ACOD1: variants seen among roughly 807,000 people sequenced by gnomAD.
The protein encoded by ACOD1 is cis-aconitate decarboxylase.
A neutral mutation model predicts 14.2 loss-of-function variants in ACOD1; 14 were observed. The ratio of observed to expected loss-of-function variants is 0.99; its 90% CI spans 0.65 to 1.54. The LOEUF (loss-of-function observed/expected upper bound fraction) is 1.54. Ranked by LOEUF, ACOD1 falls within the 40% of genes most tolerant of loss-of-function variation. ACOD1 has a pLI of 0.00. For missense variants in ACOD1, 530 were observed against 586.3 expected (o/e 0.90, Z 0.99); for synonymous variants, 182 against 221.7 (o/e 0.82, Z 1.59).
At chr13:76,950,289 T>A (rs933719110) in intron 1 of ACOD1, among the ~76,000 whole-genome samples, 3 of 152,156 alleles carry the variant, frequency 2.0e-5, no homozygotes, top group Admixed American at 2.0e-4. Flanking sequence ...TGCAATGATG[T>A]AGTAACCAGA....
intron 1 of ACOD1, among the ~76,000 whole-genome samples, chr13:76,949,143 C>T (rs78028834): frequency 6.6e-6 from 1 of 151,878 alleles, no homozygotes. Flanking sequence ...GGCAGGCGCC[C>T]GTAGTCCCAG....
chr13:76,957,848 A>G lies in ACOD1; in HGVS notation c.1309A>G (p.Ser437Gly). Residue 437 changes from serine to glycine, a missense_variant, in exon 5 of 5, where the codon AGC (serine) becomes GGC (glycine). Physicochemically the swap from Ser to Gly is moderately conservative, Grantham distance 56. Transcript: ENST00000377462. ...SKMLSWDTVESLIKIVKNLED... is the reference protein window; with the variant it reads ...SKMLSWDTVEGLIKIVKNLED... ...GATGCTGTCCTGGGACACAGTGGAA[A>G]GCCTTATAAAGATAGTCAAAAATCT... 1 of 1,551,158 alleles carries G rather than the reference A, an allele frequency of 6.4e-7. No individual in the cohort carries two copies. The highest frequency in any genetic ancestry group is 8.7e-7 in the Non-Finnish European group (1 of 1,147,128).
chr13:76,957,538 A>C lies in ACOD1; in HGVS notation c.999A>C (p.Ser333=), dbSNP rs1197890595. 6.4e-7 allele frequency: 1 copy of C among 1,550,506 alleles called. No homozygotes were observed. Among genetic ancestry groups the C allele is most frequent in the Non-Finnish European group, 8.7e-7 (1 of 1,147,004 alleles). ...FPVSEHEARH[S]FQYVACAMLL... ...TTTCGGAGCATGAAGCCCGTCATTC[A>C]TTCCAGTATGTGGCCTGTGCCATGC... Residue 333 remains serine (S), a synonymous_variant, in exon 5 of 5, where the codon TCA becomes TCC. Coordinates refer to ENST00000377462, the MANE Select transcript of ACOD1 (RefSeq NM_001258406.2).
Position 76,958,148 on chromosome 13 carries a change from T to C in ACOD1, c.*163T>C, listed in dbSNP as rs1224549423. 3.6e-5 allele frequency: 23 copies of C among 643,076 alleles called. No homozygotes were observed. Among genetic ancestry groups the C allele is most frequent in the Non-Finnish European group, 5.2e-5 (21 of 400,756 alleles). The allele number at this position is 643,076 out of a possible 1,614,324, so 39.8% of individuals were successfully genotyped here. ...GGAAGGAGCCTTCTCCTGAAAATTT[T>C]GCAGGACAGTTCCACTTACCTAAAT... On this transcript the variant is annotated 3_prime_UTR_variant, in exon 5 of 5. Coordinates refer to ENST00000377462, the MANE Select transcript of ACOD1 (RefSeq NM_001258406.2).
intron 2 of ACOD1, among the ~76,000 whole-genome samples, chr13:76,952,912 G>A (rs930335966): frequency 9.2e-5 from 14 of 152,068 alleles, no homozygotes; most frequent in East Asian, 3.9e-4. Context: ...GTGGGCAGAC[G>A]GTTTGAGCCT....
At position 76,948,585 on chromosome 13, in the gene ACOD1, T is replaced by C; in HGVS notation, c.12+15T>C. On this transcript the variant is annotated intron_variant, in intron 1 of 4. Transcript: ENST00000377462. Reference sequence around the variant, plus strand: ...TGATGCTCAAGGTATTGTAGCATTTTATGTGACTTACTTAAATTGCTTTTC... The same window carrying C: ...TGATGCTCAAGGTATTGTAGCATTTCATGTGACTTACTTAAATTGCTTTTC... The C allele has an allele frequency of 6.6e-7, 1 of 1,509,026 alleles. No homozygotes were observed. Among genetic ancestry groups the C allele is most frequent in the East Asian group, 2.5e-5 (1 of 40,116 alleles). 93.5% of individuals were successfully genotyped at this position (1,509,026 alleles called of 1,614,324 possible).
chr13:76,953,093 A>G (rs1436533889), intron 2 of ACOD1, among the ~76,000 whole-genome samples: 2 of 152,212 alleles, frequency 1.3e-5, no homozygotes, highest in Non-Finnish European at 2.9e-5. Context: ...GTAAGTCAAG[A>G]TCATGCCACT....
chr13:76,953,789 G>A, intron 3 of ACOD1, 100 bp downstream of exon 3: 1 of 731,482 alleles, frequency 1.4e-6, no homozygotes. Context: ...TTTTACAGAT[G>A]AAAGAACTGA....
Position 76,957,347 on chromosome 13 carries a change from G to A in ACOD1, c.808G>A (p.Ala270Thr). 1 of 1,550,662 alleles carries A rather than the reference G, an allele frequency of 6.4e-7. No homozygotes were observed. The highest frequency in any genetic ancestry group is 1.2e-5 in the South Asian group (1 of 84,068). ...TTGGCTGCTGGACCAGCAGGACGTG[G>A]CCTTTAAGCGTTTTCCTGCACATTT... Reference protein sequence around the residue: ...YSWLLDQQDVAFKRFPAHLST... With the variant: ...YSWLLDQQDVTFKRFPAHLST... Residue 270 changes from alanine (A) to threonine (T), a missense_variant, in exon 5 of 5, where the codon GCC (alanine) becomes ACC (threonine). Transcript: ENST00000377462.
At chr13:76,950,474 T>C (rs767970310) in intron 1 of ACOD1, among the ~76,000 whole-genome samples, 2 of 152,222 alleles carry the variant, frequency 1.3e-5, no homozygotes, top group Non-Finnish European at 2.9e-5. Flanking sequence ...TGCAGAGTAC[T>C]CCACTGCTTA....
At position 76,955,467 on chromosome 13, in the gene ACOD1, T is replaced by C. The variant is rs537986565; in HGVS notation, c.413T>C (p.Ile138Thr). 1.9e-5 allele frequency: 29 copies of C among 1,550,670 alleles called. No individual in the cohort carries two copies. The South Asian group carries it at 2.5e-4, about 13-fold the overall frequency. Reference protein sequence around the residue: ...LDLLLAFNVGIEVQGRLLHFA... With the variant: ...LDLLLAFNVGTEVQGRLLHFA... Reference sequence around the variant, plus strand: ...CTGCTGCTGGCTTTCAATGTTGGTATTGAAGTGCAAGGCCGATTACTGCAT... The same window carrying C: ...CTGCTGCTGGCTTTCAATGTTGGTACTGAAGTGCAAGGCCGATTACTGCAT... Residue 138 changes from isoleucine (I) to threonine (T), a missense_variant, in exon 4 of 5, where the codon ATT (isoleucine) becomes ACT (threonine). Ile to Thr is a moderately conservative substitution (Grantham distance 89, BLOSUM62 -1). Transcript: ENST00000377462.
intron 1 of ACOD1, among the ~76,000 whole-genome samples, chr13:76,949,229 T>C (rs550079633): frequency 4.6e-4 from 70 of 152,090 alleles, no homozygotes; most frequent in South Asian, 1.0e-3. Context: ...ATCGTGTCAC[T>C]GTACTCCAGC....
intron 4 of ACOD1, 29 bp downstream of exon 4, chr13:76,955,553 G>A: frequency 6.5e-7 from 1 of 1,531,052 alleles, no homozygotes; most frequent in Non-Finnish European, 8.8e-7. Flanking sequence ...CCATCAAAAG[G>A]TAGTCACATC....
chr13:76,952,689 T>C, intron 2 of ACOD1, 39 bp downstream of exon 2: 1 of 1,513,312 alleles, frequency 6.6e-7, no homozygotes, highest in Non-Finnish European at 8.9e-7. Flanking sequence ...TAAAACCCAG[T>C]GCATACATAT....
intron 3 of ACOD1, among the ~76,000 whole-genome samples, 189 bp from the exon 4 acceptor site, chr13:76,955,126 CAAAA>C (rs34230053): frequency 3.0e-5 from 3 of 98,874 alleles, no homozygotes; most frequent in African/African-American, 1.4e-4. Context: ...GACTCTGTCT[CAAAA>C]AAAAAAAAAA....
At chr13:76,952,328 AC>A (rs2033830003) in intron 1 of ACOD1, 160 bp from the exon 2 acceptor site, 1 of 630,970 alleles carries the variant, frequency 1.6e-6, no homozygotes, top group African/African-American at 1.8e-5. Flanking sequence ...GGTGCTTAGT[AC>A]ACATCTTTTT....
rs1021566913 is a variant in ACOD1 at position 76,957,968 on chromosome 13, A to G, written c.1429A>G (p.Ile477Val). ...ASNSPACNNS[I>V]TNLS is the part of the protein sequence containing the mutation. ...AAACTCTCCAGCATGTAATAATTCT[A>G]TCACAAATCTCTCCTGAGGCTTACC... The change falls in exon 5 of 5, where the codon ATC becomes GTC. Residue 477 changes from isoleucine to valine, a missense_variant. By Grantham distance (29) the Ile-to-Val change is conservative. Coordinates refer to ENST00000377462, the MANE Select transcript of ACOD1 (RefSeq NM_001258406.2). The G allele has an allele frequency of 6.5e-7, 1 of 1,530,406 alleles. No homozygotes were observed. The highest frequency in any genetic ancestry group is 8.8e-7 in the Non-Finnish European group (1 of 1,140,418). 94.8% of individuals were successfully genotyped at this position (1,530,406 alleles called of 1,614,324 possible).
Position 76,957,817 on chromosome 13 carries a change from C to T in ACOD1, c.1278C>T (p.Ala426=). 6.4e-7 allele frequency: 1 copy of T among 1,551,036 alleles called. No homozygotes were observed. The highest frequency in any genetic ancestry group is 8.7e-7 in the Non-Finnish European group (1 of 1,147,106). The change falls in exon 5 of 5, where the codon GCC becomes GCT. Residue 426 remains alanine, a synonymous_variant. Coordinates refer to ENST00000377462, the MANE Select transcript of ACOD1 (RefSeq NM_001258406.2). ...TAGAGGAAAAGTTCAGAGCCAATGC[C>T]TCCAAGATGCTGTCCTGGGACACAG... The part of the protein sequence containing the change: ...EDLEEKFRAN[A]SKMLSWDTVE...
intron 1 of ACOD1, 133 bp from the exon 2 acceptor site, chr13:76,952,356 C>A: frequency 2.8e-6 from 2 of 702,514 alleles, no homozygotes; most frequent in Non-Finnish European, 4.6e-6. Flanking sequence ...AGAAATTAAA[C>A]TAAATCTGAG....
Sources: gnomAD v4.1 joint callset for allele counts (sites outside exome capture counted in the v4.1 genomes callset) on GRCh38, gnomAD v4.1.1 for gene constraint, MANE v1.5 for transcripts, NCBI Gene and HGNC (gene_info 2026-07-23, HGNC 2026-07-21) for gene names.